The following GON4L variants were observed in gnomAD, a reference collection of about 807,000 sequenced individuals.
GON4L encodes the protein gon-4 like.
Under a neutral mutation model 211.8 loss-of-function variants are expected in GON4L, and 87 were observed. That is an observed-to-expected ratio of 0.41 (90% CI 0.35 to 0.49). The LOEUF (loss-of-function observed/expected upper bound fraction) is 0.49, where lower values mean the gene tolerates loss of function less well. Ranked by LOEUF, GON4L falls within the 20% of genes least tolerant of loss-of-function variation. GON4L has a pLI of 0.15. For synonymous variants in GON4L, 875 were observed against 962.6 expected, an observed-to-expected ratio of 0.91 and a Z score of 1.68; for missense variants, 2,155 against 2,659.5, an observed-to-expected ratio of 0.81 and a Z score of 4.17.
chr1:155,752,291 G>T lies in GON4L; in HGVS notation c.6142C>A (p.Pro2048Thr), dbSNP rs756772632. 1.9e-5 allele frequency: 30 copies of T among 1,582,616 alleles called. No individual in the cohort carries two copies. Among genetic ancestry groups the T allele is most frequent in the Non-Finnish European group, 2.5e-5 (29 of 1,152,070 alleles). The part of the protein sequence containing the change: ...TEKLPGTVEP[P>T]ASFLSPVSSK... ...GAAACAGGACTCAGGAAGGAAGCAG[G>T]GGGTTCCACGGTACCAGGCAATTTC... The change falls in exon 30 of 32, where the codon CCT (proline) becomes ACT (threonine). Residue 2048 changes from proline to threonine, a missense_variant. This residue lies in a region of GON4L where 186 missense variants were observed against 308.1 expected (regional missense o/e 0.60). Coordinates refer to ENST00000368331, the MANE Select transcript of GON4L (RefSeq NM_001282860.2).
chr1:155,781,123 TTTATTATTA>T (rs936106490), intron 14 of GON4L, among the ~76,000 whole-genome samples: 2 of 151,350 alleles, frequency 1.3e-5, no homozygotes, highest in East Asian at 1.9e-4. Context: ...AGTTGTATTT[TTTATTATTA>T]TTATTATTAT....
intron 2 of GON4L, among the ~76,000 whole-genome samples, chr1:155,840,580 T>C (rs1225744743): frequency 6.6e-6 from 1 of 152,152 alleles, no homozygotes; most frequent in Non-Finnish European, 1.5e-5. Flanking sequence ...AAGTTCCTTA[T>C]CGGGTGCTAT....
At chr1:155,855,430 C>T (rs1050211877) in intron 1 of GON4L, among the ~76,000 whole-genome samples, 5 of 151,958 alleles carry the variant, frequency 3.3e-5, no homozygotes, top group Non-Finnish European at 5.9e-5. Context: ...GAACATAGTT[C>T]GCTGCAGCCT....
chr1:155,765,078 A>C lies in GON4L; in HGVS notation c.4395T>G (p.Phe1465Leu), dbSNP rs1304289385. 2 of 1,614,152 alleles carry C rather than the reference A, an allele frequency of 1.2e-6. No individual in the cohort carries two copies. Among genetic ancestry groups the C allele is most frequent in the Middle Eastern group, 1.6e-4 (1 of 6,062 alleles). Residue 1465 changes from phenylalanine to leucine, a missense_variant, in exon 21 of 32, where the codon TTT (phenylalanine) becomes TTG (leucine). Phe to Leu is a conservative substitution (Grantham distance 22). Coordinates refer to ENST00000368331, the MANE Select transcript of GON4L (RefSeq NM_001282860.2). The part of the protein sequence containing the change: ...NGPEEEEEED[F>L]DDLTQDEEDE... ...CTTCCTCATCTTGGGTGAGGTCATC[A>C]AAGTCCTCTTCTTCCTCTTCTTCTG...
In GON4L at chr1:155,857,149, G is replaced by T. The variant is rs946867198; in HGVS notation, c.-29C>A. ...TTCCCACCCCACCACACACAAACCT[G>T]TACCCTCACCAGCCGGCCTGATTCC... On this transcript the variant is annotated splice_region_variant and 5_prime_UTR_variant, in exon 1 of 32. Transcript: ENST00000368331. 1.3e-5 allele frequency: 2 copies of T among 152,394 alleles called. No homozygotes were observed. The highest frequency in any genetic ancestry group is 6.6e-5 in the Admixed American group (1 of 15,260). 9.4% of individuals were successfully genotyped at this position (152,394 alleles called of 1,614,324 possible).
At chr1:155,839,261 C>G (rs1670573831) in intron 2 of GON4L, among the ~76,000 whole-genome samples, 1 of 150,036 alleles carries the variant, frequency 6.7e-6, no homozygotes, top group Non-Finnish European at 1.5e-5. Context: ...GAGAATAATT[C>G]TACATAAGAA....
Position 155,777,753 on chromosome 1 carries a change from G to C in GON4L, c.1960C>G (p.Leu654Val). The change falls in exon 15 of 32, where the codon CTG becomes GTG. Residue 654 changes from leucine (L) to valine (V), a missense_variant. Leu to Val is a conservative substitution (Grantham distance 32, BLOSUM62 1). Coordinates refer to ENST00000368331, the MANE Select transcript of GON4L (RefSeq NM_001282860.2). ...TTGGCTGAAGATTTCTTCATCTTCA[G>C]CTGTTCAAATAGCTCCTTCACTGTC... is the stretch of plus-strand genomic sequence containing the variant. The part of the protein sequence containing the change: ...HRTVKELFEQ[L>V]KMKKSSAKQL... 1 of 1,613,008 alleles carries C rather than the reference G, an allele frequency of 6.2e-7. No homozygotes were observed.
intron 14 of GON4L, among the ~76,000 whole-genome samples, chr1:155,779,385 C>T (rs899151754): frequency 3.3e-5 from 5 of 151,764 alleles, no homozygotes; most frequent in Non-Finnish European, 4.4e-5. Flanking sequence ...GGCATGATCT[C>T]GGCTCACTGC....
Position 155,765,603 on chromosome 1 carries a change from C to G in GON4L, c.3870G>C (p.Trp1290Cys). ...EGLSENSACRWTVVKTEEGRQ... is the reference protein window; with the variant it reads ...EGLSENSACRCTVVKTEEGRQ... The stretch of plus-strand genomic sequence containing the variant: ...TCCCCTCCTCTGTTTTCACAACGGT[C>G]CAGCGACAGGCACTATTCTCTGACA... The change falls in exon 21 of 32, where the codon TGG becomes TGC. Residue 1290 changes from tryptophan to cysteine, a missense_variant. By Grantham distance (215) the Trp-to-Cys change is radical. Around this residue, in one of 6 missense-constraint regions of GON4L, gnomAD observed 615 missense variants for 625.7 expected, o/e 0.98. Coordinates refer to ENST00000368331, the MANE Select transcript of GON4L (RefSeq NM_001282860.2). 6.2e-7 allele frequency: 1 copy of G among 1,614,110 alleles called. No homozygotes were observed. The highest frequency in any genetic ancestry group is 8.5e-7 in the Non-Finnish European group (1 of 1,179,994).
chr1:155,804,806 A>C, intron 11 of GON4L, 143 bp downstream of exon 11: 1 of 705,050 alleles, frequency 1.4e-6, no homozygotes. Flanking sequence ...AGAAAAATTA[A>C]CTACTGATTT....
chr1:155,788,580 A>T (rs1571746706), intron 12 of GON4L, among the ~76,000 whole-genome samples: 1 of 152,184 alleles, frequency 6.6e-6, no homozygotes, highest in African/African-American at 2.4e-5. Context: ...ACCCAAAATT[A>T]AAAATAGCCC....
intron 12 of GON4L, among the ~76,000 whole-genome samples, chr1:155,788,069 G>A (rs902422736): frequency 6.6e-6 from 1 of 152,200 alleles, no homozygotes; most frequent in Non-Finnish European, 1.5e-5. Flanking sequence ...TCAGCTCACT[G>A]CAACCTCCAC....
intron 31 of GON4L, 87 bp from the exon 32 acceptor site, chr1:155,750,820 G>T: frequency 7.7e-7 from 1 of 1,295,596 alleles, no homozygotes. Context: ...CTGGAGTGCA[G>T]TGGCACTGTG....
chr1:155,755,396 A>G (rs1222454140), intron 27 of GON4L, among the ~76,000 whole-genome samples: 1 of 151,950 alleles, frequency 6.6e-6, no homozygotes, highest in Non-Finnish European at 1.5e-5. Flanking sequence ...TTTTTAGTAG[A>G]GATAGGAATT....
chr1:155,813,873 A>C (rs559171123), intron 9 of GON4L, 69 bp from the exon 10 acceptor site: 4 of 1,343,852 alleles, frequency 3.0e-6, no homozygotes, highest in Non-Finnish European at 4.2e-6. Context: ...AAAAAAAGGA[A>C]AAAAAGAGAG....
At chr1:155,829,961 T>G (rs1446962176) in intron 2 of GON4L, among the ~76,000 whole-genome samples, 4 of 151,988 alleles carry the variant, frequency 2.6e-5, no homozygotes, top group East Asian at 1.9e-4. Flanking sequence ...TTTTGTTTTT[T>G]TTTTTTCCAG....
chr1:155,820,006 C>T (rs1401684759), intron 6 of GON4L, among the ~76,000 whole-genome samples: 3 of 152,132 alleles, frequency 2.0e-5, no homozygotes, highest in Admixed American at 6.5e-5. Flanking sequence ...CCTCCGCCCC[C>T]GGGTTCAAGT....
chr1:155,853,163 C>T lies in GON4L; in HGVS notation c.505+113G>A, dbSNP rs1671965895. On this transcript the variant is annotated intron_variant, in intron 2 of 31. Coordinates refer to ENST00000368331, the MANE Select transcript of GON4L (RefSeq NM_001282860.2). ...CCTTAGCAACACAGCAGTTCCAATT[C>T]CGTACCAAATCAATATCCCCTTTCA... 5 of 1,004,418 alleles carry T rather than the reference C, an allele frequency of 5.0e-6. No homozygotes were observed. In the Admixed American group the frequency reaches 5.1e-5, roughly 10 times the overall value. The allele number at this position is 1,004,418 out of a possible 1,614,324, so 62.2% of individuals were successfully genotyped here.
Position 155,752,430 on chromosome 1 carries a change from A to C in GON4L, c.6003T>G (p.Pro2001=). Residue 2001 remains proline (P), a synonymous_variant, in exon 30 of 32, where the codon CCT becomes CCG. Transcript: ENST00000368331. Reference sequence around the variant, plus strand: ...ATGCCTTGGGGCAGGAGCGAACCTCAGGCCCAACCTGGTTTCTCTTAACAG... The same window carrying C: ...ATGCCTTGGGGCAGGAGCGAACCTCCGGCCCAACCTGGTTTCTCTTAACAG... ...LYTVKRNQVG[P]EVRSCPKASP... The C allele has an allele frequency of 6.4e-7, 1 of 1,572,436 alleles. No individual in the cohort carries two copies. The highest frequency in any genetic ancestry group is 1.4e-5 in the African/African-American group (1 of 73,826).
Sources: allele counts gnomAD v4.1 joint callset (sites outside exome capture counted in the v4.1 genomes callset), GRCh38; gene constraint gnomAD v4.1.1; regional missense constraint gnomAD v4.1.1; transcripts MANE v1.5; gene names NCBI Gene and HGNC (gene_info 2026-07-23, HGNC 2026-07-21).